Variants in CTNND2 observed in about 807,000 individuals in gnomAD.
The protein encoded by CTNND2 is catenin delta 2.
A neutral mutation model predicts 144.4 loss-of-function variants in CTNND2; 22 were observed. The ratio of observed to expected loss-of-function variants is 0.15; its 90% CI spans 0.11 to 0.22. The LOEUF is 0.22. Ranked by LOEUF, CTNND2 falls within the 10% of genes least tolerant of loss-of-function variation. CTNND2 has a pLI of 1.00. For synonymous variants in CTNND2, 751 were observed against 695.6 expected (o/e 1.08, Z -1.25); for missense variants, 1,353 against 1,618.8 (o/e 0.84, Z 2.82).
At chr5:10,989,886 A>C (rs1167418317) in intron 19 of CTNND2, among the ~76,000 whole-genome samples, 2 of 152,216 alleles carry the variant, frequency 1.3e-5, no homozygotes, top group Non-Finnish European at 2.9e-5. Context: ...TCTCAAACCT[A>C]TCAAAATAAA....
chr5:11,882,863 GC>G (rs1736230501), intron 1 of CTNND2, among the ~76,000 whole-genome samples: 2 of 152,054 alleles, frequency 1.3e-5, no homozygotes, highest in South Asian at 4.1e-4. Context: ...GGCATTTTCA[GC>G]ATGATTGAAT....
intron 9 of CTNND2, among the ~76,000 whole-genome samples, chr5:11,304,556 A>G (rs1005467115): frequency 2.6e-5 from 4 of 152,238 alleles, no homozygotes; most frequent in Non-Finnish European, 5.9e-5. Flanking sequence ...AAAACTACAA[A>G]TATAAAATCA....
chr5:11,553,219 T>C (rs1775921219), intron 3 of CTNND2, among the ~76,000 whole-genome samples: 1 of 152,222 alleles, frequency 6.6e-6, no homozygotes, highest in Non-Finnish European at 1.5e-5. Context: ...GCAGTGCGCA[T>C]GGAGACCTAT....
At chr5:11,882,069 A>T (rs1277160273) in intron 1 of CTNND2, among the ~76,000 whole-genome samples, 3 of 151,856 alleles carry the variant, frequency 2.0e-5, no homozygotes, top group Non-Finnish European at 4.4e-5. Context: ...GATTATTATT[A>T]TTATCATTAT....
intron 19 of CTNND2, among the ~76,000 whole-genome samples, chr5:10,991,947 T>C (rs866311167): frequency 3.3e-5 from 5 of 152,232 alleles, no homozygotes; most frequent in African/African-American, 1.2e-4. Context: ...AGACGGAGTC[T>C]CACTCTGTCA....
At chr5:11,767,008 C>A (rs1789632880) in intron 1 of CTNND2, among the ~76,000 whole-genome samples, 1 of 152,126 alleles carries the variant, frequency 6.6e-6, no homozygotes, top group African/African-American at 2.4e-5. Flanking sequence ...CCCCACCCCA[C>A]TGCACAACAC....
intron 3 of CTNND2, among the ~76,000 whole-genome samples, chr5:11,443,480 T>C (rs975347146): frequency 3.3e-4 from 50 of 151,530 alleles, no homozygotes; most frequent in African/African-American, 1.2e-3. Context: ...TGCATACATA[T>C]ATATGTGCAT....
At chr5:11,031,110 G>C (rs929898081) in intron 16 of CTNND2, among the ~76,000 whole-genome samples, 1 of 152,090 alleles carries the variant, frequency 6.6e-6, no homozygotes, top group South Asian at 2.1e-4. Context: ...TCCCAAAAAG[G>C]GAAAAGAAAA....
intron 3 of CTNND2, among the ~76,000 whole-genome samples, chr5:11,477,338 G>A (rs985184527): frequency 2.0e-5 from 3 of 151,390 alleles, no homozygotes; most frequent in Admixed American, 2.0e-4. Context: ...ACCTGTTAGG[G>A]AGACTCAACC....
chr5:11,339,469 G>A (rs1334743967), intron 9 of CTNND2, among the ~76,000 whole-genome samples: 1 of 152,208 alleles, frequency 6.6e-6, no homozygotes, highest in Non-Finnish European at 1.5e-5. Flanking sequence ...AATTTGAAGG[G>A]AAATGGTCCT....
At chr5:11,764,127 A>T (rs1168699413) in intron 1 of CTNND2, among the ~76,000 whole-genome samples, 1 of 152,072 alleles carries the variant, frequency 6.6e-6, no homozygotes, top group Non-Finnish European at 1.5e-5. Flanking sequence ...CAGGAAGGAG[A>T]TGTGACAAAG....
chr5:11,774,561 T>TAAAAAAAAAAAAAAAAAAAAAAAAAA, intron 1 of CTNND2, among the ~76,000 whole-genome samples: 1 of 116,756 alleles, frequency 8.6e-6, no homozygotes, highest in Admixed American at 1.1e-4. Flanking sequence ...AAAAAAAAAT[T>TAAAAAAAAAAAAAAAAAAAAAAAAAA]AAAAAAAAAA....
chr5:11,265,625 G>T (rs746015818), intron 9 of CTNND2, among the ~76,000 whole-genome samples: 15 of 151,246 alleles, frequency 9.9e-5, no homozygotes, highest in Admixed American at 1.3e-4. Context: ...AAACTGTTCT[G>T]CTCAGAAGAC....
intron 16 of CTNND2, among the ~76,000 whole-genome samples, chr5:11,071,520 A>C (rs1748297985): frequency 6.6e-6 from 1 of 151,980 alleles, no homozygotes; most frequent in Non-Finnish European, 1.5e-5. Context: ...TGAGTGACAG[A>C]GCCTGAGTGA....
intron 1 of CTNND2, among the ~76,000 whole-genome samples, chr5:11,861,155 G>C (rs544918364): frequency 6.6e-6 from 1 of 152,214 alleles, no homozygotes; most frequent in East Asian, 1.9e-4. Flanking sequence ...TGTATGTGAT[G>C]GTTTCGAGTC....
intron 9 of CTNND2, among the ~76,000 whole-genome samples, chr5:11,262,086 C>T (rs1248877156): frequency 6.6e-6 from 1 of 152,128 alleles, no homozygotes; most frequent in Non-Finnish European, 1.5e-5. Flanking sequence ...GGTGGAGTCA[C>T]TCATGCTAAA....
Position 11,230,308 on chromosome 5 carries a change from G to A in CTNND2, c.1761+6383C>T, listed in dbSNP as rs568311551. Among the ~76,000 whole-genome samples, 128 of 150,732 alleles carry A rather than the reference G, an allele frequency of 8.5e-4. 1 individual carries two copies. Among genetic ancestry groups the A allele is most frequent in the African/African-American group, 2.9e-3 (120 of 40,950 alleles). ...GGTGCAGCGCACCAGCATGGCACAT[G>A]TATACATATGTAACTAACCTGTACA... On this transcript the variant is annotated intron_variant, in intron 10 of 21. Transcript: ENST00000304623.
chr5:11,725,123 T>C (rs1269236273), intron 2 of CTNND2, among the ~76,000 whole-genome samples: 4 of 152,208 alleles, frequency 2.6e-5, no homozygotes, highest in East Asian at 1.9e-4. Flanking sequence ...CGTTTTATGA[T>C]TGCAGCCCAG....
chr5:11,895,128 G>A (rs1737291459), intron 1 of CTNND2, among the ~76,000 whole-genome samples: 1 of 152,042 alleles, frequency 6.6e-6, no homozygotes, highest in Non-Finnish European at 1.5e-5. Context: ...AGACATCCCT[G>A]AAGAACACAC....
Sources: gnomAD v4.1 joint callset for allele counts (sites outside exome capture counted in the v4.1 genomes callset) on GRCh38, gnomAD v4.1.1 for gene constraint, MANE v1.5 for transcripts, NCBI Gene and HGNC (gene_info 2026-07-23, HGNC 2026-07-21) for gene names.